Variants in FRAS1 observed in about 807,000 individuals in gnomAD.
The protein encoded by FRAS1 is extracellular matrix organizing protein FRAS1.
In FRAS1, 290 loss-of-function variants were observed where a neutral mutation model predicts 435.2. The ratio of observed to expected loss-of-function variants is 0.67; its 90% CI spans 0.61 to 0.73. FRAS1 has a LOEUF of 0.73. Ranked by LOEUF, FRAS1 falls within the 30% of genes least tolerant of loss-of-function variation. The pLI is 0.00. For missense variants in FRAS1, 4,860 were observed against 5,001.5 expected, an observed-to-expected ratio of 0.97 and a Z score of 0.85; for synonymous variants, 1,800 against 1,851.0, an observed-to-expected ratio of 0.97 and a Z score of 0.71.
chr4:78,272,860 G>A (rs1046275683), intron 9 of FRAS1, among the ~76,000 whole-genome samples: 1 of 152,124 alleles, frequency 6.6e-6, no homozygotes. Context: ...AAAGTCATTG[G>A]TAGCTTGATG....
At chr4:78,187,615 T>C (rs1722328243) in intron 2 of FRAS1, among the ~76,000 whole-genome samples, 1 of 152,050 alleles carries the variant, frequency 6.6e-6, no homozygotes, top group Non-Finnish European at 1.5e-5. Context: ...TTTCTTTTCT[T>C]TTTTCTGAGA....
intron 4 of FRAS1, among the ~76,000 whole-genome samples, chr4:78,245,878 C>A (rs961902862): frequency 1.3e-5 from 2 of 152,108 alleles, no homozygotes; most frequent in Non-Finnish European, 2.9e-5. Flanking sequence ...CATTGTAGGA[C>A]ATTTAGCTGC....
At chr4:78,237,282 C>T (rs552407216) in intron 2 of FRAS1, among the ~76,000 whole-genome samples, 31 of 152,124 alleles carry the variant, frequency 2.0e-4, no homozygotes, top group Non-Finnish European at 4.3e-4. Context: ...AGCTCTCTGC[C>T]GCATCCCCTT....
chr4:78,092,817 A>C (rs763802707), intron 2 of FRAS1, among the ~76,000 whole-genome samples: 10 of 152,282 alleles, frequency 6.6e-5, no homozygotes, highest in East Asian at 3.9e-4. Context: ...ATCGATAGAG[A>C]CTGGGTTAAA....
In FRAS1 at chr4:78,207,857, A is replaced by T. The variant is rs189674515; in HGVS notation, c.109-29653A>T. Reference sequence around the variant, plus strand: ...AATTCAGGTCTTTTAGAATGAAGACATGACTTCATGGATACATTTTTGATC... The same window carrying T: ...AATTCAGGTCTTTTAGAATGAAGACTTGACTTCATGGATACATTTTTGATC... On this transcript the variant is annotated intron_variant, in intron 2 of 73. Transcript: ENST00000512123. 2.6e-3 allele frequency among the ~76,000 whole-genome samples: 396 copies of T among 152,310 alleles called. 1 individual carries two copies. Among genetic ancestry groups the T allele is most frequent in the African/African-American group, 8.9e-3 (371 of 41,574 alleles).
At chr4:78,082,329 C>A (rs1740934348) in intron 2 of FRAS1, among the ~76,000 whole-genome samples, 1 of 152,048 alleles carries the variant, frequency 6.6e-6, no homozygotes, top group Non-Finnish European at 1.5e-5. Flanking sequence ...TTACTGATCA[C>A]CCTATTATAC....
At chr4:78,144,762 T>C (rs1720348614) in intron 2 of FRAS1, among the ~76,000 whole-genome samples, 1 of 152,200 alleles carries the variant, frequency 6.6e-6, no homozygotes, top group African/African-American at 2.4e-5. Context: ...ACACTACGAA[T>C]ATTTTTCCTT....
chr4:78,212,309 G>A lies in FRAS1; in HGVS notation c.109-25201G>A, dbSNP rs187584012. Among the ~76,000 whole-genome samples, 80 of 152,232 alleles carry A rather than the reference G, an allele frequency of 5.3e-4. 1 individual carries two copies. Among genetic ancestry groups the A allele is most frequent in the Admixed American group, 9.2e-4 (14 of 15,280 alleles). On this transcript the variant is annotated intron_variant, in intron 2 of 73. Transcript: ENST00000512123. The stretch of plus-strand genomic sequence containing the variant: ...CTTCCTCTTGCATTCGCTGCATTTT[G>A]TGCATCGTCTTCCCTTTCTGTAGGC...
At chr4:78,083,968 T>C (rs1257548418) in intron 2 of FRAS1, among the ~76,000 whole-genome samples, 1 of 152,076 alleles carries the variant, frequency 6.6e-6, no homozygotes, top group Non-Finnish European at 1.5e-5. Context: ...ACAATTCAAA[T>C]AGAAAAGACA....
intron 66 of FRAS1, among the ~76,000 whole-genome samples, chr4:78,517,456 T>G (rs1041661356): frequency 6.6e-6 from 1 of 152,264 alleles, no homozygotes; most frequent in East Asian, 1.9e-4. Context: ...AGACAAGGAT[T>G]TGTTATATAT....
rs138026547 is a variant in FRAS1 at position 78,399,475 on chromosome 4, G to T, written c.3976-1259G>T. The stretch of plus-strand genomic sequence containing the variant: ...GAAGTTTGAAAACTGAACACTGGCA[G>T]CCTCCCTAGTCTCCTTCTGTGGAAA... On this transcript the variant is annotated intron_variant, in intron 29 of 73. Coordinates refer to ENST00000512123, the MANE Select transcript of FRAS1 (RefSeq NM_025074.7). Among the ~76,000 whole-genome samples the T allele has an allele frequency of 2.6e-3, 402 of 152,306 alleles. 1 individual carries two copies. Among genetic ancestry groups the T allele is most frequent in the African/African-American group, 9.3e-3 (387 of 41,568 alleles).
chr4:78,396,481 GA>G (rs1376747075), intron 29 of FRAS1, among the ~76,000 whole-genome samples: 3 of 152,146 alleles, frequency 2.0e-5, no homozygotes, highest in Admixed American at 6.5e-5. Flanking sequence ...CTTCATTTCT[GA>G]ATGACAGCTT....
chr4:78,422,532 G>A (rs1462843199), intron 34 of FRAS1, among the ~76,000 whole-genome samples: 2 of 152,156 alleles, frequency 1.3e-5, no homozygotes, highest in African/African-American at 4.8e-5. Flanking sequence ...TCAGGAAAAT[G>A]TCCCTGAAGG....
intron 38 of FRAS1, among the ~76,000 whole-genome samples, chr4:78,433,490 C>G (rs982841138): frequency 6.6e-6 from 1 of 152,086 alleles, no homozygotes; most frequent in African/African-American, 2.4e-5. Flanking sequence ...TAACCCTTTT[C>G]TGGGCTGAAG....
intron 70 of FRAS1, among the ~76,000 whole-genome samples, chr4:78,527,989 A>C (rs1003641799): frequency 7.2e-5 from 11 of 152,262 alleles, no homozygotes; most frequent in African/African-American, 2.6e-4. Context: ...GAGTTCATCC[A>C]CTGAAGAGGC....
At chr4:78,419,156 A>G (rs1733665125) in intron 33 of FRAS1, 93 bp downstream of exon 33, 2 of 650,464 alleles carry the variant, frequency 3.1e-6, no homozygotes, top group Middle Eastern at 2.6e-4. Context: ...CTGCTTGTAT[A>G]CATAGAGATA....
At chr4:78,293,000 G>A (rs978913218) in intron 14 of FRAS1, among the ~76,000 whole-genome samples, 3 of 152,090 alleles carry the variant, frequency 2.0e-5, no homozygotes, top group African/African-American at 4.8e-5. Context: ...CTGTCTCTTC[G>A]ATTCTGTTCA....
At chr4:78,125,785 G>A (rs889719142) in intron 2 of FRAS1, among the ~76,000 whole-genome samples, 6 of 152,164 alleles carry the variant, frequency 3.9e-5, no homozygotes, top group African/African-American at 1.4e-4. Flanking sequence ...TGTTTGAGAT[G>A]TCTGTCAGCC....
At chr4:78,339,527 G>C (rs910897607) in intron 20 of FRAS1, among the ~76,000 whole-genome samples, 3 of 152,206 alleles carry the variant, frequency 2.0e-5, no homozygotes, top group Non-Finnish European at 4.4e-5. Flanking sequence ...TATGCGGGGG[G>C]GTGGAACCCA....
Sources: allele counts gnomAD v4.1 joint callset (sites outside exome capture counted in the v4.1 genomes callset), GRCh38; gene constraint gnomAD v4.1.1; transcripts MANE v1.5; gene names NCBI Gene and HGNC (gene_info 2026-07-23, HGNC 2026-07-21).